The following TRIM44 variants were observed in gnomAD, a reference collection of about 807,000 sequenced individuals.
The protein encoded by TRIM44 is tripartite motif containing 44.
In TRIM44, 13 loss-of-function variants were observed where a neutral mutation model predicts 37.4. That is an observed-to-expected ratio of 0.35 (90% confidence interval 0.23 to 0.55). TRIM44 has a LOEUF of 0.55. TRIM44 is among the 20% of genes least tolerant of loss of function. The pLI, the probability that TRIM44 is intolerant of heterozygous loss-of-function variation, is 0.89. For missense variants in TRIM44, 426 were observed against 437.2 expected, an observed-to-expected ratio of 0.97 and a Z score of 0.23; for synonymous variants, 175 against 157.2, an observed-to-expected ratio of 1.11 and a Z score of -0.85.
chr11:35,764,322 T>G (rs1232118092), intron 4 of TRIM44, among the ~76,000 whole-genome samples: 1 of 152,204 alleles, frequency 6.6e-6, no homozygotes, highest in Non-Finnish European at 1.5e-5. Context: ...GTAAGCAGAT[T>G]AGGATGGAAT....
chr11:35,671,517 G>T (rs1487630364), intron 1 of TRIM44, among the ~76,000 whole-genome samples: 1 of 152,180 alleles, frequency 6.6e-6, no homozygotes, highest in Admixed American at 6.5e-5. Flanking sequence ...GAATTGAGAG[G>T]AATTTGTACA....
At chr11:35,770,634 C>T (rs1416869501) in intron 4 of TRIM44, among the ~76,000 whole-genome samples, 8 of 152,110 alleles carry the variant, frequency 5.3e-5, no homozygotes, top group Non-Finnish European at 1.0e-4. Context: ...TTGCATTTCT[C>T]TGAGGATTAG....
chr11:35,775,429 A>G (rs575650914), intron 4 of TRIM44, among the ~76,000 whole-genome samples: 1 of 152,312 alleles, frequency 6.6e-6, no homozygotes, highest in South Asian at 2.1e-4. Context: ...GGACAATTTG[A>G]CTTCCTCTTT....
chr11:35,805,804 A>G (rs1478393281), intron 4 of TRIM44, among the ~76,000 whole-genome samples: 1 of 152,166 alleles, frequency 6.6e-6, no homozygotes, highest in African/African-American at 2.4e-5. Context: ...CATAAGATAG[A>G]GAATCACCAG....
chr11:35,700,355 T>G (rs1851770445), intron 2 of TRIM44, among the ~76,000 whole-genome samples: 1 of 152,376 alleles, frequency 6.6e-6, no homozygotes, highest in Non-Finnish European at 1.5e-5. Flanking sequence ...TGTTCAAACC[T>G]TTAGCTTATT....
chr11:35,803,392 A>G (rs1218893570), intron 4 of TRIM44, among the ~76,000 whole-genome samples: 1 of 152,152 alleles, frequency 6.6e-6, no homozygotes. Flanking sequence ...AGAAGGCTGT[A>G]TTACTTCCCT....
intron 1 of TRIM44, among the ~76,000 whole-genome samples, chr11:35,678,615 C>G (rs939396569): frequency 1.3e-5 from 2 of 151,908 alleles, no homozygotes; most frequent in Admixed American, 1.3e-4. Flanking sequence ...CCCGCTCCCT[C>G]CCCTCCCCAT....
At chr11:35,761,123 T>G (rs2133859765) in intron 4 of TRIM44, among the ~76,000 whole-genome samples, 1 of 152,360 alleles carries the variant, frequency 6.6e-6, no homozygotes. Context: ...AATGGCAGGA[T>G]TTCCCTTTTT....
intron 1 of TRIM44, among the ~76,000 whole-genome samples, chr11:35,675,731 AG>A (rs1851453207): frequency 6.6e-6 from 1 of 152,158 alleles, no homozygotes. Flanking sequence ...TATTTTGGCC[AG>A]GATGGTCTCG....
chr11:35,799,313 G>A (rs1853334375), intron 4 of TRIM44, among the ~76,000 whole-genome samples: 1 of 152,200 alleles, frequency 6.6e-6, no homozygotes, highest in Non-Finnish European at 1.5e-5. Context: ...TTGGCACTGT[G>A]GTCAGAGTGT....
intron 1 of TRIM44, among the ~76,000 whole-genome samples, chr11:35,678,887 A>T (rs1257665455): frequency 6.6e-6 from 1 of 152,086 alleles, no homozygotes; most frequent in Non-Finnish European, 1.5e-5. Flanking sequence ...GGTATGAGTC[A>T]CTGCGCCTGA....
At chr11:35,746,076 A>C (rs1242002623) in intron 4 of TRIM44, among the ~76,000 whole-genome samples, 2 of 152,254 alleles carry the variant, frequency 1.3e-5, no homozygotes, top group East Asian at 3.8e-4. Flanking sequence ...CTTAAAAGGT[A>C]ATCAAACAAT....
intron 4 of TRIM44, among the ~76,000 whole-genome samples, chr11:35,795,888 G>A (rs1182363185): frequency 3.3e-5 from 5 of 152,174 alleles, no homozygotes; most frequent in Non-Finnish European, 4.4e-5. Context: ...CACTTATTGT[G>A]TGATAGGTAC....
At chr11:35,750,819 T>C (rs537588677) in intron 4 of TRIM44, among the ~76,000 whole-genome samples, 2 of 152,326 alleles carry the variant, frequency 1.3e-5, no homozygotes, top group Non-Finnish European at 2.9e-5. Flanking sequence ...ATTCATGTAA[T>C]TTATTTGTAC....
chr11:35,673,957 T>C (rs1159339005), intron 1 of TRIM44, among the ~76,000 whole-genome samples: 1 of 151,970 alleles, frequency 6.6e-6, no homozygotes. Flanking sequence ...GTATGTGTTC[T>C]GCTTGAAGTT....
At chr11:35,756,512 G>A (rs1250694865) in intron 4 of TRIM44, among the ~76,000 whole-genome samples, 27 of 152,090 alleles carry the variant, frequency 1.8e-4, no homozygotes, top group Admixed American at 6.6e-5. Flanking sequence ...TCTCCTGCCT[G>A]ATTGCCCTGG....
chr11:35,794,715 T>C (rs2133879766), intron 4 of TRIM44, among the ~76,000 whole-genome samples: 1 of 152,338 alleles, frequency 6.6e-6, no homozygotes, highest in East Asian at 1.9e-4. Flanking sequence ...AGTGTCTCCA[T>C]GACCAGCAAG....
intron 2 of TRIM44, among the ~76,000 whole-genome samples, chr11:35,711,921 G>A (rs938694643): frequency 2.6e-5 from 4 of 152,162 alleles, no homozygotes; most frequent in African/African-American, 7.2e-5. Flanking sequence ...TAAGCCACCT[G>A]TTTATAAATA....
chr11:35,732,401 C>G (rs1243334830), intron 3 of TRIM44, among the ~76,000 whole-genome samples: 2 of 152,174 alleles, frequency 1.3e-5, no homozygotes, highest in East Asian at 1.9e-4. Context: ...TTAATAGACT[C>G]TCACTTCTGA....
Sources: gnomAD v4.1 joint callset for allele counts (sites outside exome capture counted in the v4.1 genomes callset) on GRCh38, gnomAD v4.1.1 for gene constraint, MANE v1.5 for transcripts, NCBI Gene and HGNC (gene_info 2026-07-23, HGNC 2026-07-21) for gene names.